Variants in FAM168A observed in about 807,000 individuals in gnomAD.
FAM168A encodes the protein family with sequence similarity 168 member A.
A neutral mutation model predicts 28.5 loss-of-function variants in FAM168A; 3 were observed. The ratio of observed to expected loss-of-function variants is 0.11; its 90% CI spans 0.05 to 0.27. FAM168A has a LOEUF of 0.27. Ranked by LOEUF, FAM168A falls within the 10% of genes least tolerant of loss-of-function variation. The pLI is 1.00. For missense variants in FAM168A, 222 were observed against 311.5 expected (o/e 0.71, Z 2.16); for synonymous variants, 122 against 124.2 (o/e 0.98, Z 0.12).
chr11:73,465,637 C>T (rs1320690903), intron 2 of FAM168A, among the ~76,000 whole-genome samples: 1 of 82,984 alleles, frequency 1.2e-5, no homozygotes, highest in African/African-American at 1.0e-4. Context: ...TCTAAGGGAA[C>T]TAATTCCATC....
At chr11:73,470,670 T>G (rs1425787264) in intron 1 of FAM168A, among the ~76,000 whole-genome samples, 1 of 152,148 alleles carries the variant, frequency 6.6e-6, no homozygotes, top group Non-Finnish European at 1.5e-5. Context: ...AGAAGGCCCT[T>G]GACAGATGCT....
intron 1 of FAM168A, among the ~76,000 whole-genome samples, chr11:73,558,469 TAAAA>T (rs367874557): frequency 1.9e-3 from 144 of 75,572 alleles, no homozygotes; most frequent in African/African-American, 5.8e-3. Flanking sequence ...ACCCTGTCTC[TAAAA>T]AAAAAAAAAA....
intron 1 of FAM168A, among the ~76,000 whole-genome samples, chr11:73,530,401 A>G (rs900663909): frequency 2.0e-5 from 3 of 152,154 alleles, no homozygotes; most frequent in African/African-American, 4.8e-5. Flanking sequence ...TGCAATGCTC[A>G]GTTTTTCACA....
intron 1 of FAM168A, among the ~76,000 whole-genome samples, chr11:73,497,770 A>G (rs1854922816): frequency 6.6e-6 from 1 of 152,076 alleles, no homozygotes; most frequent in Non-Finnish European, 1.5e-5. Context: ...GGGGATGGGG[A>G]AGGGATAGCA....
intron 1 of FAM168A, among the ~76,000 whole-genome samples, chr11:73,545,027 A>ATATAATATATATATAATATATTTTAT (rs57233496): frequency 1.3e-5 from 1 of 77,448 alleles, no homozygotes; most frequent in Non-Finnish European, 2.1e-5. Flanking sequence ...TAGTATATAT[A>ATATAATATATATATAATATATTTTAT]ATATATATAT....
At chr11:73,431,715 T>C (rs980741322) in intron 2 of FAM168A, among the ~76,000 whole-genome samples, 2 of 152,210 alleles carry the variant, frequency 1.3e-5, no homozygotes, top group African/African-American at 4.8e-5. Context: ...CAGCTCCAGC[T>C]CACTACAGTA....
At chr11:73,440,138 G>A (rs998535792) in intron 2 of FAM168A, among the ~76,000 whole-genome samples, 27 of 151,978 alleles carry the variant, frequency 1.8e-4, no homozygotes, top group Admixed American at 9.2e-4. Context: ...TGCCTGCCTC[G>A]ACCTCCCAAA....
At chr11:73,592,855 C>T (rs1048871734) in intron 1 of FAM168A, among the ~76,000 whole-genome samples, 10 of 139,886 alleles carry the variant, frequency 7.1e-5, no homozygotes, top group Middle Eastern at 3.6e-3. Context: ...GACAACATAG[C>T]GAGACCCTGT....
intron 1 of FAM168A, among the ~76,000 whole-genome samples, chr11:73,572,317 C>T (rs1041024488): frequency 2.0e-5 from 3 of 152,172 alleles, no homozygotes; most frequent in Admixed American, 6.5e-5. Context: ...TCTGCCTGGC[C>T]GCCCCTACTG....
intron 2 of FAM168A, among the ~76,000 whole-genome samples, chr11:73,441,895 T>C (rs907501984): frequency 5.3e-5 from 8 of 152,192 alleles, no homozygotes; most frequent in African/African-American, 1.9e-4. Flanking sequence ...TGGAGACTTC[T>C]CTCTTTTGTT....
intron 1 of FAM168A, among the ~76,000 whole-genome samples, chr11:73,593,785 T>C (rs779996506): frequency 1.3e-5 from 2 of 152,234 alleles, no homozygotes; most frequent in Non-Finnish European, 2.9e-5. Context: ...AAAACAATCC[T>C]ATGATGTTAA....
chr11:73,419,336 T>A (rs1333561491), intron 4 of FAM168A, among the ~76,000 whole-genome samples: 1 of 152,198 alleles, frequency 6.6e-6, no homozygotes, highest in Non-Finnish European at 1.5e-5. Context: ...CAGAGGGCAA[T>A]TTTGCCCCAT....
chr11:73,514,016 T>C (rs994306715), intron 1 of FAM168A, among the ~76,000 whole-genome samples: 14 of 152,080 alleles, frequency 9.2e-5, no homozygotes, highest in African/African-American at 2.7e-4. Flanking sequence ...AAACCCTCTC[T>C]CTATAAAAAA....
intron 4 of FAM168A, among the ~76,000 whole-genome samples, chr11:73,414,521 G>A (rs1303624072): frequency 6.6e-6 from 1 of 152,186 alleles, no homozygotes; most frequent in Non-Finnish European, 1.5e-5. Flanking sequence ...TGAGCAGTCT[G>A]GAGACAGACT....
chr11:73,427,359 T>G (rs987683660), intron 3 of FAM168A, among the ~76,000 whole-genome samples: 2 of 147,498 alleles, frequency 1.4e-5, no homozygotes, highest in African/African-American at 5.3e-5. Flanking sequence ...ACTTTTTGCT[T>G]GTTTTAAAAT....
Position 73,525,182 on chromosome 11 carries a change from A to T in FAM168A, c.-18-56690T>A, listed in dbSNP as rs573564448. Among the ~76,000 whole-genome samples, 908 of 152,122 alleles carry T rather than the reference A, an allele frequency of 6.0e-3. 6 individuals are homozygous for T. The highest frequency in any genetic ancestry group is 9.2e-3 in the Non-Finnish European group (626 of 68,004). On this transcript the variant is annotated intron_variant, in intron 1 of 7. Transcript: ENST00000356467. Reference sequence around the variant, plus strand: ...CATTCATGCTAGACGTTTTTCTCAAATATCAGGTGATCTTTGCCTATTCTT... The same window carrying T: ...CATTCATGCTAGACGTTTTTCTCAATTATCAGGTGATCTTTGCCTATTCTT...
intron 6 of FAM168A, 111 bp downstream of exon 6, chr11:73,409,376 T>C (rs925017702): frequency 6.5e-6 from 9 of 1,391,958 alleles, no homozygotes; most frequent in African/African-American, 1.5e-5. Flanking sequence ...CCAAGCCCCC[T>C]GGCACAGGAT....
intron 1 of FAM168A, chr11:73,510,824 G>T (rs1234615189): frequency 1.6e-5 from 6 of 363,846 alleles, no homozygotes. Context: ...GACGTAGACA[G>T]ATAATGCCTA....
At chr11:73,533,740 CAAGA>C (rs1045706079) in intron 1 of FAM168A, among the ~76,000 whole-genome samples, 1 of 151,810 alleles carries the variant, frequency 6.6e-6, no homozygotes, top group Non-Finnish European at 1.5e-5. Flanking sequence ...ACTTGAACCT[CAAGA>C]AAGATTCAAT....
Sources: gnomAD v4.1 joint callset for allele counts (sites outside exome capture counted in the v4.1 genomes callset) on GRCh38, gnomAD v4.1.1 for gene constraint, MANE v1.5 for transcripts, NCBI Gene and HGNC (gene_info 2026-07-23, HGNC 2026-07-21) for gene names.